Variants in PCDH15 observed in about 807,000 individuals in gnomAD.
The protein encoded by PCDH15 is protocadherin-15.
A neutral mutation model predicts 178.5 loss-of-function variants in PCDH15; 129 were observed. The observed-to-expected ratio is 0.72, with a 90% CI of 0.63 to 0.84. The LOEUF is 0.84. PCDH15 is among the 40% of genes least tolerant of loss of function. The probability of loss-of-function intolerance (pLI) is 0.00; values close to 1 mark genes in which losing one functional copy is unlikely to be tolerated. For synonymous variants in PCDH15, 800 were observed against 732.0 expected (o/e 1.09, Z -1.50); for missense variants, 2,230 against 2,099.9 (o/e 1.06, Z -1.21).
intron 3 of PCDH15, among the ~76,000 whole-genome samples, chr10:54,813,667 T>C (rs1002420482): frequency 1.3e-5 from 2 of 152,210 alleles, no homozygotes; most frequent in East Asian, 3.9e-4. Flanking sequence ...CCACAATCAT[T>C]GTTCTTCAAG....
chr10:54,200,531 G>A (rs944546347), intron 10 of PCDH15, among the ~76,000 whole-genome samples: 2 of 152,010 alleles, frequency 1.3e-5, no homozygotes, highest in Admixed American at 6.6e-5. Context: ...ACCTTCATCT[G>A]TATTCACCCT....
chr10:54,921,021 C>G (rs187580632), intron 2 of PCDH15, among the ~76,000 whole-genome samples: 294 of 152,262 alleles, frequency 1.9e-3, no homozygotes, highest in African/African-American at 6.6e-3. Context: ...GTGGCATTTC[C>G]TCTTCTGTTA....
At chr10:54,712,806 A>G (rs145888851) in intron 1 of PCDH15, among the ~76,000 whole-genome samples, 1 of 152,162 alleles carries the variant, frequency 6.6e-6, no homozygotes, top group Non-Finnish European at 1.5e-5. Flanking sequence ...TAATCATCTT[A>G]TGAGTTATAG....
intron 2 of PCDH15, among the ~76,000 whole-genome samples, chr10:54,655,292 G>GAGAC (rs1555126785): frequency 1.3e-4 from 16 of 121,170 alleles, no homozygotes; most frequent in East Asian, 1.2e-3. Flanking sequence ...GAGAGAGAGA[G>GAGAC]AGAGAGAGAG....
chr10:55,366,922 CGT>C (rs34339947), intron 2 of PCDH15, among the ~76,000 whole-genome samples: 48 of 150,132 alleles, frequency 3.2e-4, no homozygotes, highest in Admixed American at 1.0e-3. Context: ...CATTTGTTTG[CGT>C]GTGTGTGTGT....
intron 21 of PCDH15, 147 bp from the exon 22 acceptor site, chr10:53,962,039 G>A: frequency 6.0e-6 from 4 of 668,650 alleles, no homozygotes; most frequent in African/African-American, 1.8e-5. Flanking sequence ...CTGAAATGTA[G>A]CCAGATCATT....
chr10:55,114,355 C>A (rs540642527), intron 2 of PCDH15, among the ~76,000 whole-genome samples: 1 of 152,300 alleles, frequency 6.6e-6, no homozygotes, highest in Non-Finnish European at 1.5e-5. Context: ...TGTTTTGACT[C>A]CCAGTGATGA....
intron 3 of PCDH15, among the ~76,000 whole-genome samples, chr10:54,519,516 G>A (rs2082612382): frequency 6.6e-6 from 1 of 152,132 alleles, no homozygotes; most frequent in Admixed American, 6.5e-5. Context: ...GGACGTGAAG[G>A]ACCTCTTCAA....
chr10:54,246,464 A>G (rs1199074520), intron 8 of PCDH15, among the ~76,000 whole-genome samples: 1 of 151,528 alleles, frequency 6.6e-6, no homozygotes, highest in African/African-American at 2.4e-5. Context: ...TATGTCTTAT[A>G]TGATATGTAT....
intron 3 of PCDH15, among the ~76,000 whole-genome samples, chr10:54,396,212 T>C (rs1951201674): frequency 6.6e-6 from 1 of 152,208 alleles, no homozygotes; most frequent in Non-Finnish European, 1.5e-5. Flanking sequence ...TTAGCCTTTA[T>C]CTGCCTTTTC....
intron 2 of PCDH15, among the ~76,000 whole-genome samples, chr10:55,531,721 C>A (rs1841458785): frequency 6.6e-6 from 1 of 151,976 alleles, no homozygotes; most frequent in Non-Finnish European, 1.5e-5. Context: ...GATGTTGTAG[C>A]CAAATTGCCA....
intron 3 of PCDH15, among the ~76,000 whole-genome samples, chr10:54,461,952 A>G (rs1387127661): frequency 6.6e-6 from 1 of 152,062 alleles, no homozygotes; most frequent in Admixed American, 6.6e-5. Flanking sequence ...AGTTCTTAGA[A>G]TACCTACTAG....
chr10:54,328,406 G>T (rs857390), intron 7 of PCDH15, among the ~76,000 whole-genome samples: 7,715 of 151,874 alleles, frequency 0.051, 590 homozygotes, highest in African/African-American at 0.17. Flanking sequence ...TTTTCTCAAG[G>T]GGTACTCCCA....
intron 3 of PCDH15, among the ~76,000 whole-genome samples, chr10:54,890,361 A>G (rs1292158544): frequency 6.6e-6 from 1 of 152,064 alleles, no homozygotes; most frequent in East Asian, 1.9e-4. Flanking sequence ...AGATACATCA[A>G]TGAGTTTAAT....
chr10:54,745,321 A>C (rs1945309472), intron 1 of PCDH15, among the ~76,000 whole-genome samples: 1 of 141,546 alleles, frequency 7.1e-6, no homozygotes, highest in Non-Finnish European at 1.6e-5. Context: ...CTATAGGAAA[A>C]ACTATTCAAA....
At chr10:54,832,502 C>G (rs1953241101) in intron 3 of PCDH15, among the ~76,000 whole-genome samples, 1 of 152,124 alleles carries the variant, frequency 6.6e-6, no homozygotes, top group Admixed American at 6.6e-5. Flanking sequence ...GTTAAGGTTA[C>G]TTTTCTGCCA....
At chr10:54,515,348 G>A (rs2082102792) in intron 3 of PCDH15, among the ~76,000 whole-genome samples, 2 of 152,196 alleles carry the variant, frequency 1.3e-5, no homozygotes, top group Non-Finnish European at 2.9e-5. Flanking sequence ...GGCTCGGAGG[G>A]TCCTATGCCC....
At chr10:54,380,534 T>A (rs918045724) in intron 3 of PCDH15, among the ~76,000 whole-genome samples, 1 of 134,808 alleles carries the variant, frequency 7.4e-6, no homozygotes, top group Non-Finnish European at 1.6e-5. Flanking sequence ...TATTTTCTCA[T>A]CAAGAAAACT....
chr10:55,596,656 A>G (rs770477904), intron 2 of PCDH15, among the ~76,000 whole-genome samples: 83 of 152,292 alleles, frequency 5.5e-4, no homozygotes, highest in Middle Eastern at 6.8e-3. Context: ...TTTGTTATTT[A>G]CCATTTAATG....
Sources: gnomAD v4.1 joint callset for allele counts (sites outside exome capture counted in the v4.1 genomes callset) on GRCh38, gnomAD v4.1.1 for gene constraint, MANE v1.5 for transcripts, NCBI Gene and HGNC (gene_info 2026-07-23, HGNC 2026-07-21) for gene names.